The following DAAM1 variants were observed in gnomAD, a reference collection of about 807,000 sequenced individuals.
DAAM1 encodes dishevelled associated activator of morphogenesis 1.
A neutral mutation model predicts 130.0 loss-of-function variants in DAAM1; 52 were observed. That is an observed-to-expected ratio of 0.40 (90% CI 0.32 to 0.50). The LOEUF is 0.50. DAAM1 is among the 20% of genes least tolerant of loss of function. The probability of loss-of-function intolerance (pLI) is 0.61; values close to 1 mark genes in which losing one functional copy is unlikely to be tolerated. For missense variants in DAAM1, 1,134 were observed against 1,303.8 expected, an observed-to-expected ratio of 0.87 and a Z score of 2.01; for synonymous variants, 452 against 444.5, an observed-to-expected ratio of 1.02 and a Z score of -0.21.
At chr14:59,332,058 G>T in intron 15 of DAAM1, 138 bp downstream of exon 15, 1 of 711,622 alleles carries the variant, frequency 1.4e-6, no homozygotes, top group Non-Finnish European at 2.4e-6. Context: ...GCATGTCCGT[G>T]TCTCCGTCCA....
intron 1 of DAAM1, among the ~76,000 whole-genome samples, chr14:59,201,209 C>T (rs1397929940): frequency 7.4e-6 from 1 of 134,458 alleles, no homozygotes; most frequent in Non-Finnish European, 1.6e-5. Flanking sequence ...TGACATTCAA[C>T]AAAAGGGGAA....
Position 59,340,160 on chromosome 14 carries a change from T to C in DAAM1, c.2055T>C (p.Asn685=). ...LSVIDGRRAQ[N]CNILLSRLKL... ...TGATTGATGGTCGGAGAGCTCAGAA[T>C]TGCAACATCCTTCTATCGAGGTATT... Residue 685 remains asparagine (N), a synonymous_variant, in exon 16 of 25, where the codon AAT becomes AAC. Transcript: ENST00000360909. The C allele has an allele frequency of 1.2e-6, 2 of 1,613,382 alleles. No individual in the cohort carries two copies. The highest frequency in any genetic ancestry group is 1.7e-6 in the Non-Finnish European group (2 of 1,179,526).
chr14:59,279,359 T>C (rs1282794419), intron 2 of DAAM1, among the ~76,000 whole-genome samples: 1 of 152,216 alleles, frequency 6.6e-6, no homozygotes, highest in Admixed American at 6.6e-5. Flanking sequence ...TAGAATTTAA[T>C]TACCAAAATG....
intron 12 of DAAM1, 139 bp downstream of exon 12, chr14:59,327,130 T>G (rs1885234585): frequency 1.2e-6 from 1 of 852,098 alleles, no homozygotes; most frequent in Non-Finnish European, 1.9e-6. Flanking sequence ...TTTAAGGGCA[T>G]TTTGCACTGA....
At chr14:59,242,492 C>T (rs1881171788) in intron 1 of DAAM1, among the ~76,000 whole-genome samples, 1 of 152,156 alleles carries the variant, frequency 6.6e-6, no homozygotes, top group African/African-American at 2.4e-5. Flanking sequence ...CTTACTATGG[C>T]CAGACATTAT....
chr14:59,361,826 A>G (rs1374230555), intron 22 of DAAM1, among the ~76,000 whole-genome samples: 2 of 152,228 alleles, frequency 1.3e-5, no homozygotes, highest in African/African-American at 4.8e-5. Context: ...CAGCTTGGAA[A>G]GGTGCCTCTC....
rs112708860 is a variant in DAAM1 at position 59,338,827 on chromosome 14, T to G, written c.1969-1247T>G. On this transcript the variant is annotated intron_variant, in intron 15 of 24. Transcript: ENST00000360909. ...ATGGTGTATATAAGACTTGGACTAT[T>G]GTCTTCTGATAGTTATCAAGTACTT... 7.5e-3 allele frequency among the ~76,000 whole-genome samples: 1,146 copies of G among 152,338 alleles called. 12 individuals carry two copies. The highest frequency in any genetic ancestry group is 0.025 in the African/African-American group (1,052 of 41,566).
chr14:59,263,704 AAGG>A (rs34419677), intron 2 of DAAM1, 44 bp downstream of exon 2: 571,857 of 1,611,448 alleles, frequency 0.35, 101,851 homozygotes, highest in South Asian at 0.37. Flanking sequence ...GGAGCCAGAG[AAGG>A]AGAAGAGGAG....
At chr14:59,324,061 A>T (rs112192493) in intron 6 of DAAM1, 67 bp from the exon 7 acceptor site, 39 of 1,112,330 alleles carry the variant, frequency 3.5e-5, no homozygotes, top group African/African-American at 2.6e-4. Context: ...TTTTGAGTAT[A>T]AAAAAATTCA....
In DAAM1 at chr14:59,225,435, A is replaced by T. The variant is rs146649626; in HGVS notation, c.-38+36667A>T. On this transcript the variant is annotated intron_variant, in intron 1 of 24. Coordinates refer to ENST00000360909, the MANE Select transcript of DAAM1 (RefSeq NM_001270520.2). ...TGATAGTTAATAGCTCTCACAATGA[A>T]GCCAAAAATAAATGTGATTAGTGAG... Among the ~76,000 whole-genome samples the T allele has an allele frequency of 5.7e-3, 861 of 152,316 alleles. 9 individuals carry two copies. The highest frequency in any genetic ancestry group is 6.4e-3 in the Admixed American group (98 of 15,296).
chr14:59,358,676 C>G (rs1886582019), intron 20 of DAAM1, among the ~76,000 whole-genome samples: 1 of 152,026 alleles, frequency 6.6e-6, no homozygotes, highest in South Asian at 2.1e-4. Context: ...AACCCTGTCT[C>G]TACTGAAAAC....
At position 59,331,312 on chromosome 14, in the gene DAAM1, C is replaced by G. The variant is rs1885425747; in HGVS notation, c.1664C>G (p.Pro555Arg). 1 of 1,612,368 alleles carries G rather than the reference C, an allele frequency of 6.2e-7. No individual in the cohort carries two copies. The highest frequency in any genetic ancestry group is 8.5e-7 in the Non-Finnish European group (1 of 1,179,822). The change falls in exon 14 of 25, where the codon CCA (proline) becomes CGA (arginine). Residue 555 changes from proline to arginine, a missense_variant. By Grantham distance (103) the Pro-to-Arg change is moderately radical. Around this residue, in one of 3 missense-constraint regions of DAAM1, gnomAD observed 644 missense variants for 695.9 expected, o/e 0.93. Coordinates refer to ENST00000360909, the MANE Select transcript of DAAM1 (RefSeq NM_001270520.2). ...PGSLLPPPPP[P>R]PLPGGMLPPP... is the part of the protein sequence containing the mutation. The stretch of plus-strand genomic sequence containing the variant: ...TCTCTCCTTCCTCCCCCACCACCCC[C>G]ACCTCTACCAGGTGGGATGCTTCCC...
Position 59,268,149 on chromosome 14 carries a change from C to T in DAAM1, c.183+4489C>T, listed in dbSNP as rs1334790679. Among the ~76,000 whole-genome samples the T allele has an allele frequency of 2.0e-5, 3 of 152,138 alleles. No individual in the cohort carries two copies. The South Asian group carries it at 6.2e-4, about 32-fold the overall frequency. Reference sequence around the variant, plus strand: ...AACTCCTGACCTTGTGATCCGCCCACCTCAGCCTCCCAAAGTGCTGGGATG... The same window carrying T: ...AACTCCTGACCTTGTGATCCGCCCATCTCAGCCTCCCAAAGTGCTGGGATG... On this transcript the variant is annotated intron_variant, in intron 2 of 24. Coordinates refer to ENST00000360909, the MANE Select transcript of DAAM1 (RefSeq NM_001270520.2).
rs781776500 is a variant in DAAM1 at position 59,340,177 on chromosome 14, C to T, written c.2072C>T (p.Ser691Leu). 4 of 1,612,592 alleles carry T rather than the reference C, an allele frequency of 2.5e-6. No individual in the cohort carries two copies. The highest frequency in any genetic ancestry group is 1.1e-5 in the South Asian group (1 of 91,008). Residue 691 changes from serine to leucine, a missense_variant, in exon 16 of 25, where the codon TCG (serine) becomes TTG (leucine). Ser to Leu is a moderately radical substitution (Grantham distance 145). Coordinates refer to ENST00000360909, the MANE Select transcript of DAAM1 (RefSeq NM_001270520.2). ...GCTCAGAATTGCAACATCCTTCTATCGAGGTATTGTTGATGTTGAATAAAC... is the reference window on the plus strand; with the variant it reads ...GCTCAGAATTGCAACATCCTTCTATTGAGGTATTGTTGATGTTGAATAAAC... ...RRAQNCNILL[S>L]RLKLSNDEIK...
rs1445137329 is a variant in DAAM1 at position 59,324,335 on chromosome 14, G to A, written c.886-16G>A. 2 of 1,544,362 alleles carry A rather than the reference G, an allele frequency of 1.3e-6. No individual in the cohort carries two copies. Among genetic ancestry groups the A allele is most frequent in the African/African-American group, 1.4e-5 (1 of 72,770 alleles). ...AAAAACCACAAATATGTATTTTATT[G>A]CCATTTTACTTTCAGGAGAGTTTGG... On this transcript the variant is annotated splice_polypyrimidine_tract_variant and intron_variant, in intron 7 of 24. Transcript: ENST00000360909.
intron 15 of DAAM1, among the ~76,000 whole-genome samples, chr14:59,333,173 G>A (rs1885506445): frequency 6.6e-6 from 1 of 152,106 alleles, no homozygotes; most frequent in Non-Finnish European, 1.5e-5. Flanking sequence ...TTTTCCTTAA[G>A]AAAGGGAAAG....
chr14:59,319,896 C>T (rs1471267302), intron 4 of DAAM1, among the ~76,000 whole-genome samples: 1 of 148,134 alleles, frequency 6.8e-6, no homozygotes, highest in East Asian at 2.0e-4. Context: ...TTGAGAAGCA[C>T]TGCTCTAGCA....
chr14:59,236,104 T>C (rs1383643839), intron 1 of DAAM1, among the ~76,000 whole-genome samples: 1 of 152,190 alleles, frequency 6.6e-6, no homozygotes, highest in Non-Finnish European at 1.5e-5. Context: ...TTTACTTATT[T>C]ATTCATTCAT....
intron 2 of DAAM1, among the ~76,000 whole-genome samples, chr14:59,289,784 A>ATATATATATATACACATATATATATAT: frequency 1.6e-5 from 2 of 128,710 alleles, no homozygotes; most frequent in African/African-American, 5.7e-5. Context: ...ATATATATAT[A>ATATATATATATACACATATATATATAT]ATGGAATGCT....
Sources: gnomAD v4.1 joint callset for allele counts (sites outside exome capture counted in the v4.1 genomes callset) on GRCh38, gnomAD v4.1.1 for gene constraint, gnomAD v4.1.1 regional missense constraint, MANE v1.5 for transcripts, NCBI Gene and HGNC (gene_info 2026-07-23, HGNC 2026-07-21) for gene names.